CDH4: variants seen among roughly 807,000 people sequenced by gnomAD.
CDH4 encodes cadherin 4, also known as cadherin-4.
In CDH4, 33 loss-of-function variants were observed where a neutral mutation model predicts 86.0. The ratio of observed to expected loss-of-function variants is 0.38; its 90% CI spans 0.29 to 0.51. The LOEUF (loss-of-function observed/expected upper bound fraction) is 0.51. Among genes scored for constraint, CDH4 ranks in the 20% least tolerant of loss-of-function variants. The probability of loss-of-function intolerance (pLI) is 0.86; values close to 1 mark genes in which losing one functional copy is unlikely to be tolerated. For synonymous variants in CDH4, 555 were observed against 549.4 expected (o/e 1.01, Z -0.14); for missense variants, 1,114 against 1,307.4 (o/e 0.85, Z 2.28).
chr20:61,858,363 G>GT (rs1983154406), intron 6 of CDH4, among the ~76,000 whole-genome samples: 1 of 150,680 alleles, frequency 6.6e-6, no homozygotes, highest in Non-Finnish European at 1.5e-5. Flanking sequence ...CTCTCTGTGC[G>GT]TGTCTCTGTG....
Position 61,767,869 on chromosome 20 carries a change from G to A in CDH4, c.397-5134G>A, listed in dbSNP as rs189521470. 3.9e-5 allele frequency among the ~76,000 whole-genome samples: 6 copies of A among 152,338 alleles called. No individual in the cohort carries two copies. In the East Asian group the frequency reaches 1.2e-3, roughly 29 times the overall value. On this transcript the variant is annotated intron_variant, in intron 3 of 15. Transcript: ENST00000614565. ...ACAGCCCAGGTCTCATCCTGTCAAG[G>A]ACGGCTCCATGAAACATCCCTGGGG...
intron 2 of CDH4, among the ~76,000 whole-genome samples, chr20:61,727,389 T>C (rs2088128683): frequency 1.4e-5 from 2 of 145,488 alleles, no homozygotes; most frequent in African/African-American, 5.1e-5. Flanking sequence ...CTATCTCTCT[T>C]ATCACCATTG....
chr20:61,444,744 T>G (rs1265814796), intron 2 of CDH4, among the ~76,000 whole-genome samples: 3 of 152,136 alleles, frequency 2.0e-5, no homozygotes, highest in Non-Finnish European at 1.5e-5. Flanking sequence ...TGTTTCTCTG[T>G]GTGTGTCTGT....
chr20:61,826,989 G>A (rs887326691), intron 4 of CDH4, among the ~76,000 whole-genome samples: 57 of 151,956 alleles, frequency 3.8e-4, no homozygotes, highest in Non-Finnish European at 5.2e-4. Context: ...GTGTGTGTGT[G>A]TGTGTGTGTG....
At chr20:61,537,704 C>T (rs111279322) in intron 2 of CDH4, among the ~76,000 whole-genome samples, 12,019 of 152,200 alleles carry the variant, frequency 0.079, 1,331 homozygotes, top group African/African-American at 0.25. Context: ...ATTCTCCTCC[C>T]TTTCTGTGCA....
At position 61,653,979 on chromosome 20, in the gene CDH4, G is replaced by A. The variant is rs556904216; in HGVS notation, c.170-89584G>A. Among the ~76,000 whole-genome samples the A allele has an allele frequency of 4.8e-3, 718 of 150,688 alleles. 6 individuals are homozygous for A. Among genetic ancestry groups the A allele is most frequent in the African/African-American group, 0.017 (680 of 40,954 alleles). Reference sequence around the variant, plus strand: ...CAGAGGGGCTCCTCACATCCCAGACGAAGGGCGGCCAGGCAGAGACGCTCC... The same window carrying A: ...CAGAGGGGCTCCTCACATCCCAGACAAAGGGCGGCCAGGCAGAGACGCTCC... On this transcript the variant is annotated intron_variant, in intron 2 of 15. Transcript: ENST00000614565.
intron 2 of CDH4, among the ~76,000 whole-genome samples, chr20:61,479,600 T>C (rs73611528): frequency 6.6e-5 from 10 of 152,218 alleles, no homozygotes; most frequent in Non-Finnish European, 1.3e-4. Context: ...GGCACATATA[T>C]ACCATGGAAT....
chr20:61,539,136 G>T (rs2086020271), intron 2 of CDH4, among the ~76,000 whole-genome samples: 1 of 152,168 alleles, frequency 6.6e-6, no homozygotes, highest in African/African-American at 2.4e-5. Context: ...GCCCACCGTG[G>T]CCGGTGCACC....
intron 2 of CDH4, among the ~76,000 whole-genome samples, chr20:61,602,109 C>T (rs917266005): frequency 3.3e-4 from 50 of 152,158 alleles, no homozygotes; most frequent in African/African-American, 1.1e-3. Flanking sequence ...ATACTGGGGG[C>T]TGCTGGCGAT....
At chr20:61,759,162 T>C (rs6061802) in intron 3 of CDH4, among the ~76,000 whole-genome samples, 52,580 of 151,938 alleles carry the variant, frequency 0.35, 9,662 homozygotes, top group African/African-American at 0.46. Context: ...GAGGGGCCAG[T>C]GCTGCCCTCC....
intron 2 of CDH4, among the ~76,000 whole-genome samples, chr20:61,722,589 C>T: frequency 6.6e-6 from 1 of 152,290 alleles, no homozygotes. Context: ...AAAAACAAGC[C>T]TCTTCCACTC....
chr20:61,610,088 A>G (rs2086673515), intron 2 of CDH4, among the ~76,000 whole-genome samples: 1 of 152,102 alleles, frequency 6.6e-6, no homozygotes, highest in Non-Finnish European at 1.5e-5. Context: ...AGAACTTATT[A>G]TTTTTGTCTC....
At chr20:61,742,191 ACCCTTG>A (rs1404977554) in intron 2 of CDH4, among the ~76,000 whole-genome samples, 1 of 152,028 alleles carries the variant, frequency 6.6e-6, no homozygotes, top group African/African-American at 2.4e-5. Flanking sequence ...GCCACAGCAG[ACCCTTG>A]CCTGGGTTGA....
intron 6 of CDH4, among the ~76,000 whole-genome samples, chr20:61,864,407 C>G (rs1010617717): frequency 4.6e-5 from 7 of 152,240 alleles, no homozygotes; most frequent in Non-Finnish European, 8.8e-5. Context: ...CCCCATGCAG[C>G]CAGAAACCCT....
At chr20:61,862,388 G>A (rs1297160988) in intron 6 of CDH4, among the ~76,000 whole-genome samples, 3 of 152,214 alleles carry the variant, frequency 2.0e-5, no homozygotes, top group Admixed American at 6.5e-5. Flanking sequence ...TTCTCCCAAG[G>A]TGGACTCATT....
Position 61,681,827 on chromosome 20 carries a change from A to G in CDH4, c.170-61736A>G, listed in dbSNP as rs79215437. On this transcript the variant is annotated intron_variant, in intron 2 of 15. Transcript: ENST00000614565. The surrounding 1 kb of genome is among the most constrained non-coding windows in gnomAD (Gnocchi z 4.5). ...CTGGTGATGGAGGGACAGACAGAGC[A>G]TCCCCACATTTGTCTTTGAGGGTGT... 0.036 allele frequency among the ~76,000 whole-genome samples: 5,533 copies of G among 152,308 alleles called. 179 individuals carry two copies. The highest frequency in any genetic ancestry group is 0.082 in the Middle Eastern group (24 of 294).
intron 7 of CDH4, among the ~76,000 whole-genome samples, chr20:61,880,097 G>A (rs1047669133): frequency 6.6e-6 from 1 of 152,318 alleles, no homozygotes; most frequent in Non-Finnish European, 1.5e-5. Context: ...TCAGGATATC[G>A]TTCTCACCAC....
chr20:61,714,021 T>TATTTTATTTTA (rs1555828912), intron 2 of CDH4, among the ~76,000 whole-genome samples: 2 of 135,894 alleles, frequency 1.5e-5, no homozygotes, highest in South Asian at 5.5e-4. Context: ...GTCTATTCTT[T>TATTTTATTTTA]TTTTATTTTA....
chr20:61,774,429 CCT>C (rs1276107591), intron 4 of CDH4, among the ~76,000 whole-genome samples: 17 of 152,252 alleles, frequency 1.1e-4, no homozygotes, highest in African/African-American at 4.1e-4. Context: ...GCTGCGCCCA[CCT>C]CACCATCCTT....
Sources: gnomAD v4.1 joint callset for allele counts (sites outside exome capture counted in the v4.1 genomes callset) on GRCh38, gnomAD v4.1.1 for gene constraint, Gnocchi (gnomAD v3.1) non-coding constraint, MANE v1.5 for transcripts, NCBI Gene and HGNC (gene_info 2026-07-23, HGNC 2026-07-21) for gene names.